DHX30: variants seen among roughly 807,000 people sequenced by gnomAD.
The protein encoded by DHX30 is DExH-box helicase 30, also known as ATP-dependent RNA helicase DHX30.
DHX30 carries 4 observed loss-of-function variants against 116.9 expected under a neutral mutation model. The observed-to-expected ratio is 0.03, with a 90% CI of 0.02 to 0.08. The LOEUF is 0.08. Among genes scored for constraint, DHX30 ranks in the 10% least tolerant of loss-of-function variants. The pLI is 1.00. For synonymous variants in DHX30, 697 were observed against 651.7 expected (o/e 1.07, Z -1.06); for missense variants, 871 against 1,595.1 (o/e 0.55, Z 7.73).
At chr3:47,825,610 A>G (rs1370929503) in intron 4 of DHX30, among the ~76,000 whole-genome samples, 2 of 152,236 alleles carry the variant, frequency 1.3e-5, no homozygotes, top group East Asian at 1.9e-4. Flanking sequence ...CTCCTGGGAC[A>G]TCAGGATCTC....
At chr3:47,807,420 C>G (rs900193847) in intron 2 of DHX30, among the ~76,000 whole-genome samples, 3 of 150,288 alleles carry the variant, frequency 2.0e-5, no homozygotes, top group Admixed American at 6.6e-5. Context: ...AAAAGCAAAA[C>G]TGGCCGGGCA....
chr3:47,843,291 A>G, intron 9 of DHX30, 36 bp downstream of exon 9: 1 of 1,610,696 alleles, frequency 6.2e-7, no homozygotes, highest in Non-Finnish European at 8.5e-7. Flanking sequence ...GGTGCATGAG[A>G]ATGTCTTGAA....
intron 4 of DHX30, among the ~76,000 whole-genome samples, chr3:47,819,786 C>T (rs1005774102): frequency 6.6e-6 from 1 of 152,182 alleles, no homozygotes; most frequent in Non-Finnish European, 1.5e-5. Context: ...CTTGACCCCC[C>T]TTCCTCCACT....
intron 3 of DHX30, among the ~76,000 whole-genome samples, chr3:47,812,481 CCAGGAGGTG>C (rs1341656690): frequency 1.3e-5 from 2 of 150,254 alleles, no homozygotes; most frequent in Non-Finnish European, 3.0e-5. Context: ...TTGCTTGAAC[CCAGGAGGTG>C]CAGGTTGTAG....
At chr3:47,820,246 G>A (rs1374362434) in intron 4 of DHX30, among the ~76,000 whole-genome samples, 9 of 152,088 alleles carry the variant, frequency 5.9e-5, no homozygotes, top group Admixed American at 4.6e-4. Context: ...CGCAGGAGGC[G>A]GGGGTTGCAG....
rs757843620 is a variant in DHX30, at chr3:47,845,726, C to T, written c.966C>T (p.Asn322=). The T allele has an allele frequency of 8.1e-6, 13 of 1,604,430 alleles. No individual in the cohort carries two copies. Among genetic ancestry groups the T allele is most frequent in the African/African-American group, 1.3e-5 (1 of 74,768 alleles). ...LKSLGLVDRN[N]EPLTHAMYNL... ...GCCTGGGCCTGGTGGACAGGAACAACGAACCGCTTACACACGCCATGTATA... is the reference window on the plus strand; with the variant it reads ...GCCTGGGCCTGGTGGACAGGAACAATGAACCGCTTACACACGCCATGTATA... Residue 322 remains asparagine, a synonymous_variant, in exon 10 of 22, where the codon AAC becomes AAT. Transcript: ENST00000445061.
chr3:47,809,206 G>A (rs146945693), intron 2 of DHX30, among the ~76,000 whole-genome samples: 139 of 144,278 alleles, frequency 9.6e-4, no homozygotes, highest in African/African-American at 3.4e-3. Flanking sequence ...TTTTCATTTG[G>A]ATAGAAGGTG....
At chr3:47,841,936 G>A in intron 8 of DHX30, 199 bp downstream of exon 8, 1 of 685,286 alleles carries the variant, frequency 1.5e-6, no homozygotes, top group South Asian at 1.8e-5. Flanking sequence ...ACAGGGAGTG[G>A]GCTTGGGGGC....
Position 47,843,127 on chromosome 3 carries a change from G to C in DHX30, c.811G>C (p.Val271Leu). 4 of 1,614,184 alleles carry C rather than the reference G, an allele frequency of 2.5e-6. No individual in the cohort carries two copies. The highest frequency in any genetic ancestry group is 3.4e-6 in the Non-Finnish European group (4 of 1,180,034). ...GTAGAACCTCATGCAGTTCCATACT[G>C]TGGGCACCAAGACCAAGCTGTCTAC... Reference protein sequence around the residue: ...TAKNLMQFHTVGTKTKLSTLT... With the variant: ...TAKNLMQFHTLGTKTKLSTLT... The change falls in exon 9 of 22, where the codon GTG (valine) becomes CTG (leucine). Residue 271 changes from valine to leucine, a missense_variant. Coordinates refer to ENST00000445061, the MANE Select transcript of DHX30 (RefSeq NM_138615.3).
intron 2 of DHX30, among the ~76,000 whole-genome samples, chr3:47,806,568 C>T (rs2035535768): frequency 1.3e-5 from 2 of 151,880 alleles, no homozygotes; most frequent in Admixed American, 1.3e-4. Flanking sequence ...GTCTCAGCCT[C>T]CTGAGTAGCT....
chr3:47,846,489 G>A lies in DHX30; in HGVS notation c.1417G>A (p.Glu473Lys), dbSNP rs1436754560. The A allele has an allele frequency of 6.2e-7, 1 of 1,614,076 alleles. No individual in the cohort carries two copies. Among genetic ancestry groups the A allele is most frequent in the South Asian group, 1.1e-5 (1 of 91,090 alleles). Residue 473 changes from glutamate to lysine, a missense_variant, in exon 11 of 22, where the codon GAG becomes AAG. Transcript: ENST00000445061. Reference protein sequence around the residue: ...KTTRIPQLLLERYVTEGRGAR... With the variant: ...KTTRIPQLLLKRYVTEGRGAR... The stretch of plus-strand genomic sequence containing the variant: ...CACGCGCATCCCCCAGCTGTTGCTG[G>A]AGCGCTATGTGACCGAGGGCCGAGG...
chr3:47,824,671 A>G (rs13072132), intron 4 of DHX30: 32,142 of 182,080 alleles, frequency 0.18, 3,529 homozygotes, highest in South Asian at 0.26. Flanking sequence ...GGCACGTGAG[A>G]GGTAGTTAGG....
chr3:47,828,220 G>A lies in DHX30; in HGVS notation c.255+743G>A, dbSNP rs530993059. Among the ~76,000 whole-genome samples, 5 of 151,950 alleles carry A rather than the reference G, an allele frequency of 3.3e-5. No individual in the cohort carries two copies. In the South Asian group the frequency reaches 8.3e-4, roughly 25 times the overall value. The stretch of plus-strand genomic sequence containing the variant: ...CGTGCCTGTAATCCCAGCACTTTAG[G>A]AGGCGGAGTAGGGAGGATCCCTTGA... On this transcript the variant is annotated intron_variant, in intron 5 of 21. Transcript: ENST00000445061.
rs533941338 is a variant in DHX30, at chr3:47,846,820, C to T, written c.1748C>T (p.Pro583Leu). ...CTCAAGGGCCTGCAGCGGCTCAACC[C>T]GGCCCTGCGGCTGGTGCTCATGAGT... ...ILLKGLQRLNPALRLVLMSAT... is the reference protein window; with the variant it reads ...ILLKGLQRLNLALRLVLMSAT... The change falls in exon 11 of 22, where the codon CCG becomes CTG. Residue 583 changes from proline (P) to leucine (L), a missense_variant. Around this residue, in one of 13 missense-constraint regions of DHX30, gnomAD observed 22 missense variants for 18.8 expected, o/e 1.17. Transcript: ENST00000445061. 57 of 1,612,858 alleles carry T rather than the reference C, an allele frequency of 3.5e-5. No individual in the cohort carries two copies. The highest frequency in any genetic ancestry group is 2.8e-4 in the African/African-American group (21 of 75,048).
chr3:47,814,449 GAAAA>G (rs1004882501), intron 3 of DHX30, among the ~76,000 whole-genome samples: 2 of 119,010 alleles, frequency 1.7e-5, no homozygotes, highest in East Asian at 5.1e-4. Flanking sequence ...AAAAAAAAAA[GAAAA>G]AAAAATTTTT....
rs370277389 is a variant in DHX30 at position 47,846,420 on chromosome 3, C to G, written c.1348C>G (p.His450Asp). 6.2e-7 allele frequency: 1 copy of G among 1,614,052 alleles called. No individual in the cohort carries two copies. Among genetic ancestry groups the G allele is most frequent in the African/African-American group, 1.3e-5 (1 of 74,960 alleles). The part of the protein sequence containing the change: ...RDTILNAIEQ[H>D]PVVVISGDTG... Reference sequence around the variant, plus strand: ...CACCATCCTCAACGCCATTGAGCAGCACCCGGTGGTGGTCATCTCTGGGGA... The same window carrying G: ...CACCATCCTCAACGCCATTGAGCAGGACCCGGTGGTGGTCATCTCTGGGGA... Residue 450 changes from histidine (H) to aspartate (D), a missense_variant, in exon 11 of 22, where the codon CAC (histidine) becomes GAC (aspartate). By Grantham distance (81) the His-to-Asp change is moderately conservative (BLOSUM62 -1). This residue lies in a region of DHX30 where 175 missense variants were observed against 292.9 expected (regional missense o/e 0.60). Transcript: ENST00000445061.
chr3:47,812,887 C>G (rs1423410735), intron 3 of DHX30, among the ~76,000 whole-genome samples: 1 of 151,756 alleles, frequency 6.6e-6, no homozygotes, highest in African/African-American at 2.4e-5. Flanking sequence ...TGGTCTGTAA[C>G]TCCTGAGCTC....
chr3:47,830,776 G>C (rs1367877408), intron 6 of DHX30: 1 of 152,050 alleles, frequency 6.6e-6, no homozygotes, highest in Non-Finnish European at 1.5e-5. Context: ...TGTATTTTTT[G>C]TAGAGATGGG....
chr3:47,835,869 G>A (rs1559709557), intron 6 of DHX30, among the ~76,000 whole-genome samples: 2 of 152,080 alleles, frequency 1.3e-5, no homozygotes, highest in African/African-American at 4.8e-5. Context: ...GTACTATGTT[G>A]AAAAAAAGTG....
Sources: allele counts gnomAD v4.1 joint callset (sites outside exome capture counted in the v4.1 genomes callset), GRCh38; gene constraint gnomAD v4.1.1; regional missense constraint gnomAD v4.1.1; transcripts MANE v1.5; gene names NCBI Gene and HGNC (gene_info 2026-07-23, HGNC 2026-07-21).